BCHE: variants seen among roughly 807,000 people sequenced by gnomAD.
BCHE encodes the protein butyrylcholinesterase, also known as cholinesterase.
BCHE carries 48 observed loss-of-function variants against 51.3 expected under a neutral mutation model. The observed-to-expected ratio is 0.94, with a 90% CI of 0.74 to 1.19. The LOEUF (loss-of-function observed/expected upper bound fraction) is 1.19, where lower values mean the gene tolerates loss of function less well. Among genes scored for constraint, BCHE ranks in the 50% most tolerant of loss-of-function variants. BCHE has a pLI of 0.00. For missense variants in BCHE, 847 were observed against 708.2 expected, an observed-to-expected ratio of 1.20 and a Z score of -2.23; for synonymous variants, 251 against 238.0, an observed-to-expected ratio of 1.05 and a Z score of -0.50.
chr3:165,824,424 A>G (rs1714644735), intron 2 of BCHE, among the ~76,000 whole-genome samples: 1 of 152,028 alleles, frequency 6.6e-6, no homozygotes, highest in Non-Finnish European at 1.5e-5. Context: ...CCTAAATTTG[A>G]CGAAGGGCAA....
intron 2 of BCHE, among the ~76,000 whole-genome samples, chr3:165,793,402 T>C (rs1220566639): frequency 3.3e-5 from 5 of 152,198 alleles, no homozygotes; most frequent in Non-Finnish European, 5.9e-5. Flanking sequence ...CCTCATATTT[T>C]TCTATGTACT....
chr3:165,778,737 C>T (rs755329151), intron 3 of BCHE: 6 of 447,996 alleles, frequency 1.3e-5, no homozygotes, highest in Non-Finnish European at 2.7e-5. Flanking sequence ...AGCATATAGG[C>T]TCTGTAAATG....
intron 2 of BCHE, among the ~76,000 whole-genome samples, chr3:165,808,336 T>C (rs1713948881): frequency 6.6e-6 from 1 of 152,108 alleles, no homozygotes; most frequent in Admixed American, 6.6e-5. Context: ...CAGATTCTAG[T>C]CATTAATTTA....
At chr3:165,823,762 A>G (rs1201073375) in intron 2 of BCHE, among the ~76,000 whole-genome samples, 1 of 151,878 alleles carries the variant, frequency 6.6e-6, no homozygotes, top group African/African-American at 2.4e-5. Flanking sequence ...AGATTACTAC[A>G]TATTTTTTTT....
rs1205059057 is a variant in BCHE, at chr3:165,830,885, C to T, written c.149G>A (p.Gly50Asp). The T allele has an allele frequency of 5.6e-6, 9 of 1,613,790 alleles. No homozygotes were observed. In the Admixed American group the frequency reaches 1.3e-4, roughly 24 times the overall value. Reference sequence around the variant, plus strand: ...TCCAAGAAAGGCTGTTACCGTGCCACCAAAAACTGTCAAGTTCATCCCTCT... The same window carrying T: ...TCCAAGAAAGGCTGTTACCGTGCCATCAAAAACTGTCAAGTTCATCCCTCT... ...KVRGMNLTVF[G>D]GTVTAFLGIP... Residue 50 changes from glycine (G) to aspartate (D), a missense_variant, in exon 2 of 4, where the codon GGT (glycine) becomes GAT (aspartate). Physicochemically the swap from Gly to Asp is moderately conservative, Grantham distance 94 (BLOSUM62 -1). Coordinates refer to ENST00000264381, the MANE Select transcript of BCHE (RefSeq NM_000055.4).
intron 2 of BCHE, among the ~76,000 whole-genome samples, chr3:165,794,379 C>T (rs1013573259): frequency 9.9e-5 from 15 of 152,002 alleles, no homozygotes; most frequent in African/African-American, 3.6e-4. Context: ...TCATAGTCTG[C>T]TTGGGATTAT....
At chr3:165,795,886 C>A (rs1713356273) in intron 2 of BCHE, among the ~76,000 whole-genome samples, 2 of 151,972 alleles carry the variant, frequency 1.3e-5, no homozygotes, top group South Asian at 4.1e-4. Context: ...ACATCCTCAG[C>A]TTCACAGAGA....
At chr3:165,833,886 T>G (rs1715082065) in intron 1 of BCHE, among the ~76,000 whole-genome samples, 1 of 152,134 alleles carries the variant, frequency 6.6e-6, no homozygotes, top group African/African-American at 2.4e-5. Flanking sequence ...TTTAATAAAT[T>G]AATTGCATCA....
chr3:165,828,895 A>G (rs1039543756), intron 2 of BCHE, among the ~76,000 whole-genome samples: 2 of 152,156 alleles, frequency 1.3e-5, no homozygotes, highest in Non-Finnish European at 2.9e-5. Context: ...TGTCAGCCAT[A>G]AGACTGCTCA....
At chr3:165,816,310 T>C (rs557578675) in intron 2 of BCHE, among the ~76,000 whole-genome samples, 1 of 152,138 alleles carries the variant, frequency 6.6e-6, no homozygotes, top group African/African-American at 2.4e-5. Flanking sequence ...ATTAAGTAGA[T>C]AGAGTTGATG....
intron 3 of BCHE, among the ~76,000 whole-genome samples, chr3:165,777,170 T>C (rs968647149): frequency 6.6e-6 from 1 of 152,012 alleles, no homozygotes; most frequent in East Asian, 1.9e-4. Flanking sequence ...TTCAGAGAAA[T>C]ATCTTCATTC....
intron 2 of BCHE, among the ~76,000 whole-genome samples, chr3:165,827,505 G>T (rs1714771239): frequency 6.6e-6 from 1 of 151,306 alleles, no homozygotes; most frequent in Non-Finnish European, 1.5e-5. Context: ...TTCTTCTTTG[G>T]TCTGTTATAT....
chr3:165,804,804 T>G (rs368768025), intron 2 of BCHE, among the ~76,000 whole-genome samples: 33 of 152,182 alleles, frequency 2.2e-4, no homozygotes, highest in Admixed American at 1.2e-3. Flanking sequence ...TTTAAGGTCT[T>G]GAATTTATTC....
chr3:165,795,686 C>T (rs146504904), intron 2 of BCHE, among the ~76,000 whole-genome samples: 263 of 151,996 alleles, frequency 1.7e-3, no homozygotes, highest in African/African-American at 6.2e-3. Context: ...ATAAGGTTTG[C>T]TATTTTTGGG....
At chr3:165,811,283 A>T (rs114169585) in intron 2 of BCHE, among the ~76,000 whole-genome samples, 290 of 152,220 alleles carry the variant, frequency 1.9e-3, no homozygotes, top group African/African-American at 6.7e-3. Context: ...TGATCTCTAC[A>T]TATGCAGGTG....
At chr3:165,792,260 C>T (rs540610609) in intron 2 of BCHE, among the ~76,000 whole-genome samples, 2 of 152,016 alleles carry the variant, frequency 1.3e-5, no homozygotes, top group East Asian at 1.9e-4. Flanking sequence ...TTCAAGGAAA[C>T]TTCAAATTCA....
At chr3:165,827,391 A>T (rs1294392876) in intron 2 of BCHE, among the ~76,000 whole-genome samples, 1 of 151,580 alleles carries the variant, frequency 6.6e-6, no homozygotes, top group African/African-American at 2.4e-5. Flanking sequence ...TAAAATGTCA[A>T]TTTTTATTTA....
chr3:165,786,075 G>A, intron 3 of BCHE, 70 bp downstream of exon 3: 1 of 1,508,618 alleles, frequency 6.6e-7, no homozygotes, highest in Non-Finnish European at 9.2e-7. Flanking sequence ...GTGCCTTGGA[G>A]AGTATACTTC....
intron 2 of BCHE, among the ~76,000 whole-genome samples, chr3:165,803,445 A>G (rs1478798496): frequency 6.6e-6 from 1 of 152,204 alleles, no homozygotes; most frequent in Non-Finnish European, 1.5e-5. Context: ...TAAAAAAAAT[A>G]AAAAGTCATA....
Sources: allele counts gnomAD v4.1 joint callset (sites outside exome capture counted in the v4.1 genomes callset), GRCh38; gene constraint gnomAD v4.1.1; transcripts MANE v1.5; gene names NCBI Gene and HGNC (gene_info 2026-07-23, HGNC 2026-07-21).